Variants in USH2A observed in about 807,000 individuals in gnomAD.
USH2A encodes the protein Usher syndrome 2A (autosomal recessive, mild).
USH2A carries 443 observed loss-of-function variants against 538.9 expected under a neutral mutation model. The observed-to-expected ratio is 0.82, with a 90% CI of 0.76 to 0.89. The LOEUF is 0.89. USH2A is among the 40% of genes least tolerant of loss of function. The probability of loss-of-function intolerance (pLI) is 0.00; values close to 1 mark genes in which losing one functional copy is unlikely to be tolerated. For missense variants in USH2A, 6,633 were observed against 6,324.8 expected, an observed-to-expected ratio of 1.05 and a Z score of -1.65; for synonymous variants, 2,413 against 2,273.5, an observed-to-expected ratio of 1.06 and a Z score of -1.75.
chr1:215,763,405 C>T (rs544575858), intron 56 of USH2A, among the ~76,000 whole-genome samples: 6 of 152,040 alleles, frequency 3.9e-5, no homozygotes, highest in South Asian at 2.1e-4. Flanking sequence ...AGGGGAGATG[C>T]GTGAACCAAG....
chr1:216,075,909 A>C (rs2031732571), intron 27 of USH2A, among the ~76,000 whole-genome samples: 1 of 152,194 alleles, frequency 6.6e-6, no homozygotes, highest in South Asian at 2.1e-4. Flanking sequence ...TGATGAAAAA[A>C]AAAAGGTGCT....
In USH2A at chr1:215,675,043, GT is replaced by G; in HGVS notation, c.12867del (p.Glu4289AspfsTer26). 6.2e-7 allele frequency: 1 copy of G among 1,614,154 alleles called. No homozygotes were observed. Among genetic ancestry groups the G allele is most frequent in the South Asian group, 1.1e-5 (1 of 91,078 alleles). ...QKLLISWIPPEQSNGIIQSYR... is the reference protein window; with the variant it reads ...QKLLISWIPPXQSNGIIQSYR... Reference sequence around the variant, plus strand: ...TAGGACTGGATAATACCATTAGACTGTTCTGGTGGGATCCAGGAAATCAGCA... The same window carrying G: ...TAGGACTGGATAATACCATTAGACTGTCTGGTGGGATCCAGGAAATCAGCA... On this transcript the variant is annotated frameshift_variant, in exon 63 of 72. Coordinates refer to ENST00000307340, the MANE Select transcript of USH2A (RefSeq NM_206933.4). LOFTEE classifies it high-confidence loss of function.
intron 21 of USH2A, among the ~76,000 whole-genome samples, chr1:216,150,957 A>G (rs1355038121): frequency 6.6e-6 from 1 of 152,034 alleles, no homozygotes; most frequent in African/African-American, 2.4e-5. Flanking sequence ...ACAAACTTAA[A>G]AACATTAGCA....
intron 11 of USH2A, among the ~76,000 whole-genome samples, chr1:216,262,588 T>G (rs1355267713): frequency 6.6e-6 from 1 of 152,042 alleles, no homozygotes; most frequent in Non-Finnish European, 1.5e-5. Context: ...GGGACACCAT[T>G]AAGCAAACAG....
At chr1:215,851,056 A>C (rs1360639154) in intron 44 of USH2A, among the ~76,000 whole-genome samples, 1 of 152,208 alleles carries the variant, frequency 6.6e-6, no homozygotes, top group Non-Finnish European at 1.5e-5. Flanking sequence ...TGTTAAGAGG[A>C]AAGTTCATAG....
intron 55 of USH2A, among the ~76,000 whole-genome samples, chr1:215,775,240 G>A (rs75276838): frequency 0.03 from 4,497 of 152,232 alleles, 236 homozygotes; most frequent in African/African-American, 0.1. Flanking sequence ...ATGCTTGGAA[G>A]CACATGAGCT....
chr1:216,183,973 A>C (rs1038448727), intron 20 of USH2A, among the ~76,000 whole-genome samples: 1 of 152,034 alleles, frequency 6.6e-6, no homozygotes, highest in Non-Finnish European at 1.5e-5. Flanking sequence ...AGTGTAAAAT[A>C]ATTTCTGTTG....
At chr1:216,343,913 A>T (rs1257340248) in intron 4 of USH2A, among the ~76,000 whole-genome samples, 1 of 152,036 alleles carries the variant, frequency 6.6e-6, no homozygotes, top group Non-Finnish European at 1.5e-5. Context: ...TTCTGCTTTT[A>T]TTATCATTGT....
chr1:215,799,860 C>A (rs1410369397), intron 49 of USH2A, among the ~76,000 whole-genome samples: 1 of 152,054 alleles, frequency 6.6e-6, no homozygotes, highest in Non-Finnish European at 1.5e-5. Flanking sequence ...GTGGTGCATG[C>A]CTGTAGTCCC....
At chr1:216,392,023 A>G (rs973125876) in intron 3 of USH2A, among the ~76,000 whole-genome samples, 1 of 152,078 alleles carries the variant, frequency 6.6e-6, no homozygotes, top group Non-Finnish European at 1.5e-5. Flanking sequence ...TGTAAATAAA[A>G]CCCTGGACTC....
intron 64 of USH2A, among the ~76,000 whole-genome samples, chr1:215,654,833 C>A (rs977668579): frequency 2.0e-5 from 3 of 152,060 alleles, no homozygotes; most frequent in Non-Finnish European, 2.9e-5. Context: ...GCTTGTTGTT[C>A]ATTAAAAAAA....
At chr1:216,274,257 C>A (rs974611139) in intron 11 of USH2A, among the ~76,000 whole-genome samples, 1 of 152,052 alleles carries the variant, frequency 6.6e-6, no homozygotes, top group African/African-American at 2.4e-5. Flanking sequence ...AATATTGAAG[C>A]ATTTATACCT....
In USH2A at chr1:215,835,543, C is replaced by T. The variant is rs73090727; in HGVS notation, c.9371+2448G>A. Among the ~76,000 whole-genome samples the T allele has an allele frequency of 4.3e-3, 649 of 152,190 alleles. 4 individuals are homozygous for T. The highest frequency in any genetic ancestry group is 0.015 in the African/African-American group (605 of 41,506). On this transcript the variant is annotated intron_variant, in intron 47 of 71. Coordinates refer to ENST00000307340, the MANE Select transcript of USH2A (RefSeq NM_206933.4). ...GAGAATAAATGTCTAATCTCCTGGT[C>T]GGTGGACTTTGTCATGTGGAGGAAG...
intron 19 of USH2A, among the ~76,000 whole-genome samples, chr1:216,195,027 A>AACATGTAAT (rs1269232137): frequency 6.6e-6 from 1 of 152,170 alleles, no homozygotes; most frequent in African/African-American, 2.4e-5. Context: ...ACAAAGGCAT[A>AACATGTAAT]ACATGTAATG....
chr1:216,029,713 T>C (rs1180134877), intron 32 of USH2A, among the ~76,000 whole-genome samples: 1 of 151,770 alleles, frequency 6.6e-6, no homozygotes, highest in Non-Finnish European at 1.5e-5. Context: ...CAGAAAATAG[T>C]AGTTATTATA....
intron 16 of USH2A, among the ~76,000 whole-genome samples, chr1:216,200,525 A>ATCTG (rs1200309396): frequency 1.1e-4 from 17 of 152,188 alleles, no homozygotes; most frequent in Non-Finnish European, 1.0e-4. Context: ...CAAGGGGTAA[A>ATCTG]TCTGTCACCT....
chr1:216,358,940 G>T (rs17026598), intron 4 of USH2A, among the ~76,000 whole-genome samples: 11,428 of 152,062 alleles, frequency 0.075, 603 homozygotes, highest in East Asian at 0.25. Flanking sequence ...GTGCATAGGG[G>T]ACTAATTTAT....
intron 40 of USH2A, among the ~76,000 whole-genome samples, chr1:215,899,365 G>A (rs1352429900): frequency 1.3e-5 from 2 of 152,124 alleles, no homozygotes; most frequent in African/African-American, 4.8e-5. Context: ...TATTCACTCT[G>A]TGTAGCTTGA....
intron 3 of USH2A, among the ~76,000 whole-genome samples, chr1:216,415,562 C>A (rs1044498127): frequency 7.7e-6 from 1 of 130,346 alleles, no homozygotes; most frequent in Non-Finnish European, 1.5e-5. Flanking sequence ...TTCGCCCAGG[C>A]TGGAATGCAG....
Sources: allele counts gnomAD v4.1 joint callset (sites outside exome capture counted in the v4.1 genomes callset), GRCh38; gene constraint gnomAD v4.1.1; transcripts MANE v1.5; gene names NCBI Gene and HGNC (gene_info 2026-07-23, HGNC 2026-07-21).